SCCPDH: variants seen among roughly 807,000 people sequenced by gnomAD.
SCCPDH encodes the protein saccharopine dehydrogenase-like oxidoreductase.
A neutral mutation model predicts 51.5 loss-of-function variants in SCCPDH; 34 were observed. The ratio of observed to expected loss-of-function variants is 0.66; its 90% confidence interval spans 0.50 to 0.88. The LOEUF is 0.88. Ranked by LOEUF, SCCPDH falls within the 40% of genes least tolerant of loss-of-function variation. SCCPDH has a pLI of 0.00. For synonymous variants in SCCPDH, 187 were observed against 191.3 expected (o/e 0.98, Z 0.19); for missense variants, 464 against 527.1 (o/e 0.88, Z 1.17).
Position 246,724,525 on chromosome 1 carries a change from G to C in SCCPDH, c.103G>C (p.Glu35Gln). 6.4e-7 allele frequency: 1 copy of C among 1,551,638 alleles called. No individual in the cohort carries two copies. The highest frequency in any genetic ancestry group is 1.2e-5 in the South Asian group (1 of 84,356). The change falls in exon 1 of 12, where the codon GAG becomes CAG. Residue 35 changes from glutamate to glutamine, a missense_variant. Transcript: ENST00000366510. ...EEVAREQVDP[E>Q]RSSRLPWAVA... ...GGTGGCCCGGGAGCAGGTGGACCCG[G>C]AGCGGAGCTCCCGCCTGCCCTGGGC... is the stretch of plus-strand genomic sequence containing the variant.
rs1335919728 is a variant in SCCPDH, at chr1:246,758,416, G to T, written c.695+60G>T. ...AGTCTAAGTATATTGTTGTTGGGTT[G>T]GCTATTAATAAAGTATGTTACTAAG... On this transcript the variant is annotated intron_variant, in intron 6 of 11. Transcript: ENST00000366510. 7 of 1,298,600 alleles carry T rather than the reference G, an allele frequency of 5.4e-6. No individual in the cohort carries two copies. In the Admixed American group the frequency reaches 1.7e-4, roughly 32 times the overall value. 80.4% of individuals were successfully genotyped at this position (1,298,600 alleles called of 1,614,324 possible).
At chr1:246,733,505 C>A (rs1008041657) in intron 2 of SCCPDH, among the ~76,000 whole-genome samples, 4 of 151,268 alleles carry the variant, frequency 2.6e-5, no homozygotes, top group African/African-American at 9.7e-5. Context: ...CACACACACA[C>A]ACACACACTT....
At position 246,758,244 on chromosome 1, in the gene SCCPDH, G is replaced by A. The variant is rs758067910; in HGVS notation, c.583G>A (p.Gly195Ser). 5.6e-6 allele frequency: 9 copies of A among 1,594,380 alleles called. No individual in the cohort carries two copies. The African/African-American group carries it at 1.1e-4, about 19-fold the overall frequency. ...TTATTAGGGGTTGAGCATTCATGAT[G>A]GTACCTGGAAGTCAGCAATTTATGG... is the stretch of plus-strand genomic sequence containing the variant. ...SGPEGLSIHD[G>S]TWKSAIYGFG... is the part of the protein sequence containing the mutation. Residue 195 changes from glycine to serine, a missense_variant, in exon 6 of 12, where the codon GGT becomes AGT. Coordinates refer to ENST00000366510, the MANE Select transcript of SCCPDH (RefSeq NM_016002.3).
At chr1:246,766,443 T>A (rs897540053) in intron 11 of SCCPDH, among the ~76,000 whole-genome samples, 2 of 152,200 alleles carry the variant, frequency 1.3e-5, no homozygotes, top group African/African-American at 4.8e-5. Flanking sequence ...AAAGTCCCTG[T>A]TGTTAATAGT....
At chr1:246,727,870 G>C (rs895325494) in intron 2 of SCCPDH, among the ~76,000 whole-genome samples, 13 of 152,128 alleles carry the variant, frequency 8.5e-5, no homozygotes, top group Non-Finnish European at 1.6e-4. Context: ...GGGATCTTAC[G>C]GGCCATGGCC....
chr1:246,751,319 G>A (rs1177628464), intron 5 of SCCPDH, among the ~76,000 whole-genome samples: 1 of 152,104 alleles, frequency 6.6e-6, no homozygotes, highest in Non-Finnish European at 1.5e-5. Flanking sequence ...TAAAGAACAG[G>A]TTAGTACTTT....
At chr1:246,743,351 G>A (rs1668708225) in intron 4 of SCCPDH, among the ~76,000 whole-genome samples, 3 of 152,098 alleles carry the variant, frequency 2.0e-5, no homozygotes, top group African/African-American at 4.8e-5. Flanking sequence ...TTCAGAAGCC[G>A]AGGTGGGCAG....
chr1:246,748,652 C>T (rs1668805691), intron 5 of SCCPDH, among the ~76,000 whole-genome samples: 1 of 152,194 alleles, frequency 6.6e-6, no homozygotes, highest in Non-Finnish European at 1.5e-5. Context: ...AAAATATTGA[C>T]TTAAATCCTG....
At chr1:246,738,848 G>A (rs1041896999) in intron 3 of SCCPDH, among the ~76,000 whole-genome samples, 43 of 152,308 alleles carry the variant, frequency 2.8e-4, no homozygotes, top group Admixed American at 9.1e-4. Context: ...GCGAGACTCC[G>A]TCTCAAAACA....
chr1:246,746,012 G>T (rs1668753212), intron 5 of SCCPDH, among the ~76,000 whole-genome samples: 1 of 151,306 alleles, frequency 6.6e-6, no homozygotes, highest in Non-Finnish European at 1.5e-5. Context: ...GGAGGCTGAG[G>T]CAGGAGAGTG....
intron 11 of SCCPDH, 146 bp downstream of exon 11, chr1:246,766,285 T>A: frequency 1.6e-6 from 1 of 617,604 alleles, no homozygotes; most frequent in East Asian, 2.7e-5. Context: ...AAATTAAAAC[T>A]GTGAGAAGGA....
chr1:246,758,125 A>C, intron 5 of SCCPDH, 101 bp from the exon 6 acceptor site: 1 of 912,072 alleles, frequency 1.1e-6, no homozygotes. Context: ...GTCTTGTCCA[A>C]ATATAAGTGA....
intron 3 of SCCPDH, among the ~76,000 whole-genome samples, chr1:246,738,016 C>T (rs1370924348): frequency 6.6e-6 from 1 of 151,770 alleles, no homozygotes; most frequent in Non-Finnish European, 1.5e-5. Flanking sequence ...GCCAACATGG[C>T]GAAACCCCAT....
At chr1:246,737,130 A>C (rs184455362) in intron 3 of SCCPDH, among the ~76,000 whole-genome samples, 1 of 152,194 alleles carries the variant, frequency 6.6e-6, no homozygotes, top group African/African-American at 2.4e-5. Context: ...CAGCATGCCA[A>C]TATGATATTA....
At chr1:246,730,386 G>A (rs7549192) in intron 2 of SCCPDH, among the ~76,000 whole-genome samples, 1,602 of 152,268 alleles carry the variant, frequency 0.011, 25 homozygotes, top group African/African-American at 0.037. Flanking sequence ...CCTCCACTGC[G>A]TCTTTGTCCT....
At chr1:246,761,370 C>A (rs1311329082) in intron 9 of SCCPDH, among the ~76,000 whole-genome samples, 1 of 152,188 alleles carries the variant, frequency 6.6e-6, no homozygotes, top group African/African-American at 2.4e-5. Context: ...CCACTGCGCC[C>A]GGCCTCTTTT....
rs369767218 is a variant in SCCPDH, at chr1:246,738,383, C to T, written c.385-1789C>T. Reference sequence around the variant, plus strand: ...AAAGTTAGCTGGGCGTGGTGGTGCACGCCTGTAGTCCCAGCTACTTGGGAG... The same window carrying T: ...AAAGTTAGCTGGGCGTGGTGGTGCATGCCTGTAGTCCCAGCTACTTGGGAG... On this transcript the variant is annotated intron_variant, in intron 3 of 11. Transcript: ENST00000366510. 4.6e-3 allele frequency among the ~76,000 whole-genome samples: 687 copies of T among 150,222 alleles called. 6 individuals carry two copies. The highest frequency in any genetic ancestry group is 0.016 in the African/African-American group (635 of 40,808).
chr1:246,751,293 C>T (rs1244962433), intron 5 of SCCPDH, among the ~76,000 whole-genome samples: 4 of 151,856 alleles, frequency 2.6e-5, no homozygotes, highest in African/African-American at 9.7e-5. Context: ...TCTTTTTAAC[C>T]CTTTATAATT....
At chr1:246,761,233 C>T (rs1669007833) in intron 9 of SCCPDH, among the ~76,000 whole-genome samples, 1 of 152,146 alleles carries the variant, frequency 6.6e-6, no homozygotes, top group Non-Finnish European at 1.5e-5. Flanking sequence ...CGCCACCACG[C>T]CCGGATAATT....
Sources: gnomAD v4.1 joint callset for allele counts (sites outside exome capture counted in the v4.1 genomes callset) on GRCh38, gnomAD v4.1.1 for gene constraint, MANE v1.5 for transcripts, NCBI Gene and HGNC (gene_info 2026-07-23, HGNC 2026-07-21) for gene names.